GRIK1: variants seen among roughly 807,000 people sequenced by gnomAD.
GRIK1 encodes the protein glutamate ionotropic receptor kainate type subunit 1.
GRIK1 carries 69 observed loss-of-function variants against 105.7 expected under a neutral mutation model. That is an observed-to-expected ratio of 0.65 (90% CI 0.54 to 0.80). GRIK1 has a LOEUF of 0.80. Ranked by LOEUF, GRIK1 falls within the 30% of genes least tolerant of loss-of-function variation. The pLI is 0.00. For missense variants in GRIK1, 1,109 were observed against 1,167.3 expected, an observed-to-expected ratio of 0.95 and a Z score of 0.73; for synonymous variants, 438 against 431.3, an observed-to-expected ratio of 1.02 and a Z score of -0.19.
chr21:29,720,522 G>T (rs1423127237), intron 1 of GRIK1, among the ~76,000 whole-genome samples: 3 of 151,966 alleles, frequency 2.0e-5, no homozygotes, highest in Non-Finnish European at 2.9e-5. Flanking sequence ...TATGCTGCGT[G>T]TGTGTATATG....
At chr21:29,787,788 T>C (rs1244628807) in intron 1 of GRIK1, among the ~76,000 whole-genome samples, 1 of 152,188 alleles carries the variant, frequency 6.6e-6, no homozygotes, top group East Asian at 1.9e-4. Flanking sequence ...CAGGAACATT[T>C]ATCAATCTTG....
chr21:29,846,452 G>GAGAGAGA (rs1472713302), intron 1 of GRIK1, among the ~76,000 whole-genome samples: 2,176 of 114,152 alleles, frequency 0.019, 18 homozygotes, highest in East Asian at 0.045. Context: ...AAGGAAAGAA[G>GAGAGAGA]GAAAGAGAGA....
At chr21:29,695,497 T>G (rs2063684527) in intron 1 of GRIK1, among the ~76,000 whole-genome samples, 1 of 150,658 alleles carries the variant, frequency 6.6e-6, no homozygotes, top group Non-Finnish European at 1.5e-5. Context: ...TATTTTGAGA[T>G]GGAGTCTTGC....
intron 6 of GRIK1, among the ~76,000 whole-genome samples, chr21:29,647,549 G>A (rs2062644929): frequency 6.6e-6 from 1 of 152,180 alleles, no homozygotes; most frequent in South Asian, 2.1e-4. Context: ...TTTATGTTGT[G>A]AGTGGATATG....
chr21:29,565,496 G>A (rs1439071146), intron 14 of GRIK1, among the ~76,000 whole-genome samples: 4 of 152,184 alleles, frequency 2.6e-5, no homozygotes, highest in Admixed American at 1.3e-4. Context: ...GCAATGGCAC[G>A]ATCTCGGCTC....
At chr21:29,730,557 T>C (rs1029581599) in intron 1 of GRIK1, among the ~76,000 whole-genome samples, 1 of 152,214 alleles carries the variant, frequency 6.6e-6, no homozygotes, top group Non-Finnish European at 1.5e-5. Flanking sequence ...CTCACAGATA[T>C]AGCTATGGGA....
At chr21:29,549,617 G>A (rs1284010102) in intron 16 of GRIK1, among the ~76,000 whole-genome samples, 1 of 152,048 alleles carries the variant, frequency 6.6e-6, no homozygotes, top group Admixed American at 6.5e-5. Flanking sequence ...TCCCCAGGTG[G>A]TTCTGATTTA....
chr21:29,690,031 A>C, intron 2 of GRIK1, 46 bp from the exon 3 acceptor site: 1 of 1,451,246 alleles, frequency 6.9e-7, no homozygotes, highest in Non-Finnish European at 9.6e-7. Context: ...GGGCAGGGAA[A>C]GGGGGAGAGA....
chr21:29,687,196 C>T (rs2063501420), intron 3 of GRIK1, among the ~76,000 whole-genome samples: 2 of 152,154 alleles, frequency 1.3e-5, no homozygotes, highest in African/African-American at 2.4e-5. Flanking sequence ...GCCATTTGGT[C>T]CCGCGACATC....
intron 1 of GRIK1, among the ~76,000 whole-genome samples, chr21:29,847,796 T>C (rs1025038241): frequency 6.6e-6 from 1 of 152,120 alleles, no homozygotes; most frequent in African/African-American, 2.4e-5. Flanking sequence ...GGATGCTGGA[T>C]CATGCTTTCA....
chr21:29,742,326 G>A (rs2064950584), intron 1 of GRIK1, among the ~76,000 whole-genome samples: 1 of 152,308 alleles, frequency 6.6e-6, no homozygotes, highest in South Asian at 2.1e-4. Flanking sequence ...GCAAAATTAA[G>A]TAGAAAGAGA....
At chr21:29,556,123 G>A (rs76500928) in intron 15 of GRIK1, among the ~76,000 whole-genome samples, 28 of 152,256 alleles carry the variant, frequency 1.8e-4, no homozygotes, top group African/African-American at 5.3e-4. Flanking sequence ...ACATTTTGAC[G>A]TATAGAACCT....
At chr21:29,937,698 T>C (rs2071813429) in intron 1 of GRIK1, among the ~76,000 whole-genome samples, 1 of 152,182 alleles carries the variant, frequency 6.6e-6, no homozygotes, top group Non-Finnish European at 1.5e-5. Flanking sequence ...GATTTGTCTC[T>C]TTCAAAAGGT....
intron 1 of GRIK1, among the ~76,000 whole-genome samples, chr21:29,899,740 C>T (rs2070322977): frequency 6.6e-6 from 1 of 152,072 alleles, no homozygotes; most frequent in South Asian, 2.1e-4. Flanking sequence ...GTACTCTATG[C>T]TCCTTGTGCC....
intron 1 of GRIK1, among the ~76,000 whole-genome samples, chr21:29,899,384 G>A (rs1021612183): frequency 1.1e-4 from 17 of 152,184 alleles, no homozygotes; most frequent in African/African-American, 3.6e-4. Context: ...CCATGCCTAT[G>A]CAGGTTTGTC....
chr21:29,853,516 G>A (rs1311265170), intron 1 of GRIK1, among the ~76,000 whole-genome samples: 2 of 152,196 alleles, frequency 1.3e-5, no homozygotes, highest in Non-Finnish European at 2.9e-5. Context: ...CTCCAGTGGA[G>A]AATCATTTCA....
chr21:29,790,683 G>A (rs931162356), intron 1 of GRIK1, among the ~76,000 whole-genome samples: 20 of 151,864 alleles, frequency 1.3e-4, no homozygotes, highest in Admixed American at 5.2e-4. Context: ...GAACTCCTGG[G>A]CTCAAGTGAT....
At chr21:29,836,639 T>C (rs2067814076) in intron 1 of GRIK1, among the ~76,000 whole-genome samples, 2 of 152,148 alleles carry the variant, frequency 1.3e-5, no homozygotes, top group Admixed American at 6.6e-5. Context: ...ATTTAATAGA[T>C]AATGCACACA....
intron 1 of GRIK1, among the ~76,000 whole-genome samples, chr21:29,699,583 T>C (rs1214599867): frequency 6.6e-6 from 1 of 152,158 alleles, no homozygotes. Flanking sequence ...TATGGTCTTT[T>C]TTGTTTGTTT....
Sources: gnomAD v4.1 joint callset for allele counts (sites outside exome capture counted in the v4.1 genomes callset) on GRCh38, gnomAD v4.1.1 for gene constraint, MANE v1.5 for transcripts, NCBI Gene and HGNC (gene_info 2026-07-23, HGNC 2026-07-21) for gene names.